Variants in PTPRK observed in about 807,000 individuals in gnomAD.
The protein encoded by PTPRK is protein tyrosine phosphatase receptor type K.
PTPRK carries 75 observed loss-of-function variants against 178.0 expected under a neutral mutation model. The ratio of observed to expected loss-of-function variants is 0.42; its 90% CI spans 0.35 to 0.51. PTPRK has a LOEUF of 0.51. Ranked by LOEUF, PTPRK falls within the 20% of genes least tolerant of loss-of-function variation. The pLI, the probability that PTPRK is intolerant of heterozygous loss-of-function variation, is 0.02. For synonymous variants in PTPRK, 637 were observed against 620.6 expected (o/e 1.03, Z -0.39); for missense variants, 1,441 against 1,797.8 (o/e 0.80, Z 3.59).
chr6:128,003,503 C>A (rs1778074201), intron 15 of PTPRK, among the ~76,000 whole-genome samples: 1 of 151,240 alleles, frequency 6.6e-6, no homozygotes, highest in Admixed American at 6.6e-5. Context: ...GAAAAAAAAA[C>A]CCATGTATTT....
chr6:128,367,685 A>T (rs1181740152), intron 2 of PTPRK, among the ~76,000 whole-genome samples: 1 of 152,170 alleles, frequency 6.6e-6, no homozygotes, highest in Non-Finnish European at 1.5e-5. Flanking sequence ...ATAAAAGATA[A>T]TATTAAGTAT....
Position 128,330,874 on chromosome 6 carries a change from AAAAACAAAAACAAAAC to A in PTPRK, c.224-8580_224-8565del, listed in dbSNP as rs1301625826. Among the ~76,000 whole-genome samples the A allele has an allele frequency of 2.5e-4, 36 of 146,066 alleles. No homozygotes were observed. The East Asian group carries it at 6.7e-3, about 27-fold the overall frequency. On this transcript the variant is annotated intron_variant, in intron 2 of 29. Transcript: ENST00000368226. ...GAAAAACAAAAACAAAAACAAAAAC[AAAAACAAAAACAAAAC>A]AAAACAAAACAAAAAAACACCTAAG...
intron 7 of PTPRK, among the ~76,000 whole-genome samples, chr6:128,135,542 G>T (rs1324787182): frequency 6.6e-6 from 1 of 152,204 alleles, no homozygotes; most frequent in African/African-American, 2.4e-5. Context: ...TTTCAATGTG[G>T]TTGAGATTCA....
At chr6:128,515,235 C>T (rs779642577) in intron 1 of PTPRK, among the ~76,000 whole-genome samples, 1 of 152,164 alleles carries the variant, frequency 6.6e-6, no homozygotes. Flanking sequence ...AATAAATGTT[C>T]TGTGACATTA....
intron 1 of PTPRK, among the ~76,000 whole-genome samples, chr6:128,413,459 T>C (rs1842521273): frequency 6.6e-6 from 1 of 152,140 alleles, no homozygotes; most frequent in African/African-American, 2.4e-5. Context: ...CCACCCAGTA[T>C]AGGAATGTCC....
chr6:128,460,453 G>A (rs1848913058), intron 1 of PTPRK, among the ~76,000 whole-genome samples: 1 of 151,912 alleles, frequency 6.6e-6, no homozygotes, highest in African/African-American at 2.4e-5. Flanking sequence ...GAGGTGGGAG[G>A]ATCACTTGAG....
intron 3 of PTPRK, among the ~76,000 whole-genome samples, chr6:128,279,889 A>G (rs1821400588): frequency 1.3e-5 from 2 of 152,136 alleles, no homozygotes; most frequent in Non-Finnish European, 1.5e-5. Context: ...CAGCATATTT[A>G]TAAATAATAG....
chr6:128,369,460 T>G (rs1308880696), intron 2 of PTPRK, among the ~76,000 whole-genome samples: 1 of 152,134 alleles, frequency 6.6e-6, no homozygotes, highest in African/African-American at 2.4e-5. Flanking sequence ...GGAGTTTAAG[T>G]TAGGCTTCTA....
chr6:128,492,105 G>C (rs1853886296), intron 1 of PTPRK, among the ~76,000 whole-genome samples: 1 of 152,082 alleles, frequency 6.6e-6, no homozygotes, highest in Non-Finnish European at 1.5e-5. Flanking sequence ...TCATGATCTA[G>C]TCCCAACAAA....
intron 7 of PTPRK, among the ~76,000 whole-genome samples, chr6:128,162,209 T>C (rs1258890465): frequency 6.6e-6 from 1 of 151,706 alleles, no homozygotes; most frequent in African/African-American, 2.4e-5. Flanking sequence ...TGAACCTTTT[T>C]TTATATTATT....
At chr6:128,355,128 T>C (rs1833780566) in intron 2 of PTPRK, among the ~76,000 whole-genome samples, 1 of 152,234 alleles carries the variant, frequency 6.6e-6, no homozygotes, top group Admixed American at 6.5e-5. Context: ...TTCATTGTTT[T>C]ACAACACCTA....
intron 1 of PTPRK, among the ~76,000 whole-genome samples, chr6:128,403,537 G>A (rs938862872): frequency 6.6e-6 from 1 of 151,768 alleles, no homozygotes; most frequent in African/African-American, 2.4e-5. Flanking sequence ...GTGGTGTTAG[G>A]ATTAGTCATA....
In PTPRK at chr6:128,474,189, C is replaced by A. The variant is rs576566104; in HGVS notation, c.100+46070G>T. Reference sequence around the variant, plus strand: ...AGGATGGTAGGGGAAAACAAACAAACAAACAAACAAACAAACCCTGAAAGT... The same window carrying A: ...AGGATGGTAGGGGAAAACAAACAAAAAAACAAACAAACAAACCCTGAAAGT... On this transcript the variant is annotated intron_variant, in intron 1 of 29. Coordinates refer to ENST00000368226, the MANE Select transcript of PTPRK (RefSeq NM_002844.4). Among the ~76,000 whole-genome samples, 73 of 151,942 alleles carry A rather than the reference C, an allele frequency of 4.8e-4. 1 individual carries two copies. In the South Asian group the frequency reaches 0.015, roughly 31 times the overall value.
Position 127,973,858 on chromosome 6 carries a change from G to A in PTPRK, c.3970-31C>T, listed in dbSNP as rs79161139. 9.0e-4 allele frequency: 1,435 copies of A among 1,587,612 alleles called. 1 individual carries two copies. Among genetic ancestry groups the A allele is most frequent in the African/African-American group, 4.7e-3 (347 of 73,978 alleles). ...GAGGGAAGTGTTTTTATGTAAATAC[G>A]CTGGGACTACAATTTTTACTAAAAA... is the stretch of plus-strand genomic sequence containing the variant. On this transcript the variant is annotated intron_variant, in intron 27 of 29. Transcript: ENST00000368226.
chr6:128,331,883 T>C (rs1471961405), intron 2 of PTPRK, among the ~76,000 whole-genome samples: 1 of 152,166 alleles, frequency 6.6e-6, no homozygotes, highest in Non-Finnish European at 1.5e-5. Context: ...ACAGTCCGAA[T>C]GACAAAATTT....
chr6:127,985,831 C>A lies in PTPRK; in HGVS notation c.3141G>T (p.Thr1047=). The A allele has an allele frequency of 6.2e-7, 1 of 1,613,584 alleles. No individual in the cohort carries two copies. The highest frequency in any genetic ancestry group is 8.5e-7 in the Non-Finnish European group (1 of 1,179,668). The change falls in exon 22 of 30, where the codon ACG becomes ACT. Residue 1047 remains threonine, a synonymous_variant. Coordinates refer to ENST00000368226, the MANE Select transcript of PTPRK (RefSeq NM_002844.4). ...AGGGCACTCCATGGTCAGGCCAGCC[C>A]GTGAAATGGAACTGTTTAACTTCAC... ...EIREVKQFHF[T]GWPDHGVPYH... is the part of the protein sequence containing the mutation.
At chr6:128,318,568 C>T (rs927811432) in intron 3 of PTPRK, among the ~76,000 whole-genome samples, 3 of 152,122 alleles carry the variant, frequency 2.0e-5, no homozygotes, top group Non-Finnish European at 2.9e-5. Context: ...GTTTTCATCA[C>T]ACATCATTTT....
intron 2 of PTPRK, among the ~76,000 whole-genome samples, chr6:128,342,593 A>G (rs1323379720): frequency 6.6e-6 from 1 of 152,020 alleles, no homozygotes; most frequent in African/African-American, 2.4e-5. Flanking sequence ...ATGTAGTTAT[A>G]CCTCTGTCCC....
chr6:128,306,058 A>C (rs1369958110), intron 3 of PTPRK, among the ~76,000 whole-genome samples: 4 of 152,194 alleles, frequency 2.6e-5, no homozygotes, highest in African/African-American at 4.8e-5. Flanking sequence ...CTCACTCACT[A>C]TCACAAGAAC....
Sources: gnomAD v4.1 joint callset for allele counts (sites outside exome capture counted in the v4.1 genomes callset) on GRCh38, gnomAD v4.1.1 for gene constraint, MANE v1.5 for transcripts, NCBI Gene and HGNC (gene_info 2026-07-23, HGNC 2026-07-21) for gene names.